Variants in GRIA3 observed in about 807,000 individuals in gnomAD.
GRIA3 encodes glutamate receptor 3.
In GRIA3, 3 loss-of-function variants were observed where a neutral mutation model predicts 63.0. The ratio of observed to expected loss-of-function variants is 0.05; its 90% confidence interval spans 0.02 to 0.12. The LOEUF (loss-of-function observed/expected upper bound fraction) is 0.12. Ranked by LOEUF, GRIA3 falls within the 10% of genes least tolerant of loss-of-function variation. The pLI is 1.00. For missense variants in GRIA3, 347 were observed against 700.9 expected (o/e 0.50, Z 5.70); for synonymous variants, 274 against 257.9 (o/e 1.06, Z -0.60).
rs1465248964 is a variant in GRIA3, at chrX:123,203,586, CAA to C, written c.268+17597_268+17598del. 5.6e-4 allele frequency among the ~76,000 whole-genome samples: 63 copies of C among 111,749 alleles called. 1 individual carries two copies. Among genetic ancestry groups the C allele is most frequent in the Non-Finnish European group, 1.1e-3 (58 of 53,131 alleles). On this transcript the variant is annotated intron_variant, in intron 2 of 15. Coordinates refer to ENST00000620443, the MANE Select transcript of GRIA3 (RefSeq NM_007325.5). The stretch of plus-strand genomic sequence containing the variant: ...GTTTGAAAGATGCCCCTGATTCTAC[CAA>C]GACTTGACTCCTTCAAGTCTGGCCT...
chrX:123,228,466 C>A (rs777600708), intron 2 of GRIA3, among the ~76,000 whole-genome samples: 1 of 111,507 alleles, frequency 9.0e-6, no homozygotes, highest in South Asian at 3.8e-4. Flanking sequence ...GGTCCAATGA[C>A]ATGAGACTAT....
intron 6 of GRIA3, among the ~76,000 whole-genome samples, chrX:123,398,105 C>G (rs2045423777): frequency 8.9e-6 from 1 of 111,978 alleles, no homozygotes; most frequent in South Asian, 3.7e-4. Flanking sequence ...GAAACAAAAA[C>G]TCATTTATTG....
intron 3 of GRIA3, among the ~76,000 whole-genome samples, chrX:123,296,921 T>C: frequency 8.9e-6 from 1 of 111,920 alleles, no homozygotes; most frequent in East Asian, 2.8e-4. Context: ...TATTATTTTT[T>C]ATCCCATGAG....
At chrX:123,444,401 C>T (rs1654222038) in intron 12 of GRIA3, among the ~76,000 whole-genome samples, 1 of 112,288 alleles carries the variant, frequency 8.9e-6, no homozygotes, top group African/African-American at 3.2e-5. Flanking sequence ...AATTCCTGCC[C>T]TGTAGCCAGA....
chrX:123,364,122 AG>A (rs1316254960), intron 5 of GRIA3, among the ~76,000 whole-genome samples: 1 of 112,549 alleles, frequency 8.9e-6, no homozygotes, highest in Admixed American at 9.4e-5. Flanking sequence ...GTTTAGTCCA[AG>A]CACACAAAAA....
At chrX:123,439,712 C>T (rs1183938746) in intron 12 of GRIA3, among the ~76,000 whole-genome samples, 1 of 110,796 alleles carries the variant, frequency 9.0e-6, no homozygotes, top group African/African-American at 3.3e-5. Context: ...TATCTAATAC[C>T]TAAATCCAAT....
intron 2 of GRIA3, among the ~76,000 whole-genome samples, chrX:123,216,409 T>TTTC (rs1301769505): frequency 8.9e-6 from 1 of 112,154 alleles, no homozygotes; most frequent in Non-Finnish European, 1.9e-5. Context: ...TTTCCTTTCC[T>TTTC]TTCTTATCAC....
At chrX:123,303,531 G>A (rs964545855) in intron 3 of GRIA3, among the ~76,000 whole-genome samples, 2 of 111,164 alleles carry the variant, frequency 1.8e-5, no homozygotes, top group Non-Finnish European at 3.8e-5. Context: ...TGGTTAAAAA[G>A]TTCATCTCTT....
intron 13 of GRIA3, among the ~76,000 whole-genome samples, chrX:123,476,638 TG>T (rs1404893690): frequency 9.0e-6 from 1 of 111,695 alleles, no homozygotes; most frequent in Non-Finnish European, 1.9e-5. Context: ...GCTGTGCTGC[TG>T]CTTGAAATGT....
At chrX:123,287,619 T>C (rs1228941903) in intron 3 of GRIA3, among the ~76,000 whole-genome samples, 1 of 111,297 alleles carries the variant, frequency 9.0e-6, no homozygotes, top group African/African-American at 3.3e-5. Flanking sequence ...TATACACCAA[T>C]AATAGACAAA....
intron 5 of GRIA3, among the ~76,000 whole-genome samples, chrX:123,393,004 G>A (rs1347514260): frequency 8.9e-6 from 1 of 112,176 alleles, no homozygotes; most frequent in African/African-American, 3.2e-5. Flanking sequence ...GAATAAAATG[G>A]GAGAAAACAC....
intron 13 of GRIA3, among the ~76,000 whole-genome samples, chrX:123,471,602 G>T (rs762709276): frequency 9.0e-6 from 1 of 111,610 alleles, no homozygotes; most frequent in Non-Finnish European, 1.9e-5. Context: ...GTGAAATGGT[G>T]TATGTTTATT....
chrX:123,195,005 A>C (rs1288455637), intron 2 of GRIA3, among the ~76,000 whole-genome samples: 1 of 113,044 alleles, frequency 8.8e-6, no homozygotes, highest in African/African-American at 3.2e-5. Flanking sequence ...TGGTAAGTAG[A>C]GACAAAGGAA....
intron 3 of GRIA3, among the ~76,000 whole-genome samples, chrX:123,310,630 T>C (rs1479698701): frequency 8.9e-6 from 1 of 112,942 alleles, no homozygotes; most frequent in Non-Finnish European, 1.9e-5. Context: ...TCTTTAGAAA[T>C]ATATTTTCTC....
Position 123,418,860 on chromosome X carries a change from G to T in GRIA3, c.1877+1082G>T, listed in dbSNP as rs181889343. 3.0e-3 allele frequency among the ~76,000 whole-genome samples: 340 copies of T among 112,017 alleles called. 1 individual carries two copies. The highest frequency in any genetic ancestry group is 9.2e-3 in the Middle Eastern group (2 of 217). On this transcript the variant is annotated intron_variant, in intron 11 of 15. Coordinates refer to ENST00000620443, the MANE Select transcript of GRIA3 (RefSeq NM_007325.5). ...AGCTTGGCAGTTTCTTATCAAGTAA[G>T]ATAAATACTTAAAATATAACACAGC...
chrX:123,463,606 GGGAGGGAAAGAAAGAAAGAAA>G (rs2045808681), intron 12 of GRIA3, among the ~76,000 whole-genome samples: 10 of 20,049 alleles, frequency 5.0e-4, no homozygotes, highest in Non-Finnish European at 8.2e-4. Context: ...GAGGGAGGGA[GGGAGGGAAAGAAAGAAAGAAA>G]GAAAGAAAGA....
intron 15 of GRIA3, among the ~76,000 whole-genome samples, chrX:123,484,536 A>G (rs1047267339): frequency 1.8e-5 from 2 of 111,683 alleles, no homozygotes; most frequent in African/African-American, 6.5e-5. Flanking sequence ...GCTGGAGTGC[A>G]GTGACGCGAT....
At chrX:123,384,787 A>G (rs1003089012) in intron 5 of GRIA3, among the ~76,000 whole-genome samples, 2 of 111,702 alleles carry the variant, frequency 1.8e-5, no homozygotes, top group African/African-American at 6.5e-5. Flanking sequence ...TTGGCCACAC[A>G]CTTGTTTTCT....
At chrX:123,270,681 C>T (rs1168235998) in intron 3 of GRIA3, among the ~76,000 whole-genome samples, 4 of 112,368 alleles carry the variant, frequency 3.6e-5, no homozygotes, top group African/African-American at 1.3e-4. Flanking sequence ...AACAACCTGT[C>T]TGAGCGTCTG....
Sources: allele counts gnomAD v4.1 joint callset (sites outside exome capture counted in the v4.1 genomes callset), GRCh38; gene constraint gnomAD v4.1.1; transcripts MANE v1.5; gene names NCBI Gene and HGNC (gene_info 2026-07-23, HGNC 2026-07-21).